CNNM4: variants seen among roughly 807,000 people sequenced by gnomAD.
CNNM4 encodes metal transporter CNNM4.
A neutral mutation model predicts 53.7 loss-of-function variants in CNNM4; 32 were observed. The ratio of observed to expected loss-of-function variants is 0.60; its 90% CI spans 0.45 to 0.80. The LOEUF is 0.80. Ranked by LOEUF, CNNM4 falls within the 30% of genes least tolerant of loss-of-function variation. The pLI, the probability that CNNM4 is intolerant of heterozygous loss-of-function variation, is 0.00. For synonymous variants in CNNM4, 410 were observed against 440.0 expected (o/e 0.93, Z 0.85); for missense variants, 784 against 1,022.0 (o/e 0.77, Z 3.17).
At chr2:96,773,633 A>T (rs1319903318) in intron 1 of CNNM4, among the ~76,000 whole-genome samples, 2 of 152,168 alleles carry the variant, frequency 1.3e-5, no homozygotes, top group Non-Finnish European at 1.5e-5. Context: ...ACCTGAGGTC[A>T]GGAGTTTGAG....
At chr2:96,780,117 G>A (rs1360572856) in intron 1 of CNNM4, among the ~76,000 whole-genome samples, 1 of 151,976 alleles carries the variant, frequency 6.6e-6, no homozygotes, top group African/African-American at 2.4e-5. Flanking sequence ...ACATTTTATA[G>A]TAGTGAATCT....
intron 6 of CNNM4, 124 bp from the exon 7 acceptor site, chr2:96,809,196 A>C: frequency 6.5e-7 from 1 of 1,542,010 alleles, no homozygotes; most frequent in Non-Finnish European, 8.7e-7. Context: ...GGGCTTCCAG[A>C]GACGCTGACT....
Position 96,801,010 on chromosome 2 carries a change from G to A in CNNM4, c.1948+1362G>A. 2 of 794,140 alleles carry A rather than the reference G, an allele frequency of 2.5e-6. No homozygotes were observed. The highest frequency in any genetic ancestry group is 3.1e-6 in the Non-Finnish European group (2 of 655,446). The allele number at this position is 794,140 out of a possible 1,614,324, so 49.2% of individuals were successfully genotyped here. Reference sequence around the variant, plus strand: ...CCCGTCAGGTCTGCCTCTGTCCTGTGCCTGTGGTTCCGTGTCCTGTCTCCT... The same window carrying A: ...CCCGTCAGGTCTGCCTCTGTCCTGTACCTGTGGTTCCGTGTCCTGTCTCCT... On this transcript the variant is annotated intron_variant, in intron 5 of 6. Transcript: ENST00000377075. This position sits in a 1 kb window ranked among gnomAD's most constrained non-coding sequence, Gnocchi z 5.6.
In CNNM4 at chr2:96,810,717, C is replaced by T. The variant is rs2079249776; in HGVS notation, c.*1200C>T. On this transcript the variant is annotated 3_prime_UTR_variant, in exon 7 of 7. Coordinates refer to ENST00000377075, the MANE Select transcript of CNNM4 (RefSeq NM_020184.4). The surrounding 1 kb of genome is among the most constrained non-coding windows in gnomAD (Gnocchi z 4.1). ...CAAGGCTCACCTGGCCTTATCCACC[C>T]ACTTATGGAACCTCAGGAGAGGAGG... 1 of 152,230 alleles carries T rather than the reference C, an allele frequency of 6.6e-6. No individual in the cohort carries two copies. Among genetic ancestry groups the T allele is most frequent in the South Asian group, 2.1e-4 (1 of 4,834 alleles). The allele number at this position is 152,230 out of a possible 1,614,324, so 9.4% of individuals were successfully genotyped here.
intron 6 of CNNM4, 100 bp from the exon 7 acceptor site, chr2:96,809,220 C>T: frequency 6.4e-7 from 1 of 1,564,814 alleles, no homozygotes; most frequent in Non-Finnish European, 8.6e-7. Context: ...CATGTTCTCT[C>T]TCAACTCACA....
chr2:96,783,372 C>T (rs145899553), intron 1 of CNNM4, among the ~76,000 whole-genome samples: 24 of 152,256 alleles, frequency 1.6e-4, no homozygotes, highest in East Asian at 1.3e-3. Context: ...CTCAGAAGGA[C>T]GCTGATGGTG....
Position 96,809,600 on chromosome 2 carries a change from A to G in CNNM4, c.*83A>G. The G allele has an allele frequency of 8.0e-7, 1 of 1,249,076 alleles. No individual in the cohort carries two copies. Among genetic ancestry groups the G allele is most frequent in the Non-Finnish European group, 1.2e-6 (1 of 861,502 alleles). The allele number at this position is 1,249,076 out of a possible 1,614,324, so 77.4% of individuals were successfully genotyped here. On this transcript the variant is annotated 3_prime_UTR_variant, in exon 7 of 7. Transcript: ENST00000377075. Reference sequence around the variant, plus strand: ...GAAGAGAGGGAACCTGTTAGTCCAGAAAGGATACGGATAGATAGCCTGTCT... The same window carrying G: ...GAAGAGAGGGAACCTGTTAGTCCAGGAAGGATACGGATAGATAGCCTGTCT...
At chr2:96,787,119 C>T (rs903910358) in intron 1 of CNNM4, among the ~76,000 whole-genome samples, 2 of 152,296 alleles carry the variant, frequency 1.3e-5, no homozygotes, top group South Asian at 2.1e-4. Flanking sequence ...GGCAGGCCCT[C>T]CTGGGCACAC....
intron 1 of CNNM4, among the ~76,000 whole-genome samples, chr2:96,790,120 C>A (rs957918779): frequency 1.3e-5 from 2 of 149,462 alleles, no homozygotes; most frequent in African/African-American, 4.9e-5. Flanking sequence ...CATTCTCCTG[C>A]CTCAGCCTCC....
At chr2:96,772,608 C>T (rs1229520759) in intron 1 of CNNM4, among the ~76,000 whole-genome samples, 2 of 138,736 alleles carry the variant, frequency 1.4e-5, no homozygotes, top group Admixed American at 1.5e-4. Flanking sequence ...CTCACACATG[C>T]GCACACACAC....
At chr2:96,796,860 C>A in intron 1 of CNNM4, 152 bp from the exon 2 acceptor site, 2 of 750,378 alleles carry the variant, frequency 2.7e-6, no homozygotes, top group Admixed American at 2.4e-5. Flanking sequence ...TGTCTGTTTG[C>A]AGTAGAAACG....
chr2:96,786,134 A>T (rs915372943), intron 1 of CNNM4, among the ~76,000 whole-genome samples: 1 of 152,034 alleles, frequency 6.6e-6, no homozygotes, highest in Non-Finnish European at 1.5e-5. Flanking sequence ...AAGTAAAGAT[A>T]GGCCTGGCGC....
chr2:96,792,729 G>C (rs977574712), intron 1 of CNNM4, among the ~76,000 whole-genome samples: 5 of 151,992 alleles, frequency 3.3e-5, no homozygotes, highest in Non-Finnish European at 7.4e-5. Flanking sequence ...CCTTGAACCT[G>C]CTAGGTGGAG....
chr2:96,760,946 C>T lies in CNNM4; in HGVS notation c.-54C>T, dbSNP rs1245071112. The T allele has an allele frequency of 3.3e-5, 31 of 939,376 alleles. No individual in the cohort carries two copies. The Admixed American group carries it at 4.4e-4, about 13-fold the overall frequency. The allele number at this position is 939,376 out of a possible 1,614,324, so 58.2% of individuals were successfully genotyped here. On this transcript the variant is annotated 5_prime_UTR_variant, in exon 1 of 7. Transcript: ENST00000377075. The stretch of plus-strand genomic sequence containing the variant: ...GAGCGGCCGGAGCTGCGGTGCGGAC[C>T]GGGGCCGCGCGGCGTGGCGCGGGGA...
At chr2:96,785,665 G>A (rs990723638) in intron 1 of CNNM4, among the ~76,000 whole-genome samples, 24 of 151,734 alleles carry the variant, frequency 1.6e-4, no homozygotes, top group African/African-American at 4.6e-4. Flanking sequence ...TTAGCTGGGC[G>A]TGGTAGCATG....
intron 1 of CNNM4, among the ~76,000 whole-genome samples, chr2:96,782,087 C>T (rs1239330827): frequency 1.3e-5 from 2 of 152,258 alleles, no homozygotes; most frequent in East Asian, 3.9e-4. Context: ...GTAGAACTAA[C>T]TTAGTGTCAT....
chr2:96,796,680 G>T (rs548023290), intron 1 of CNNM4, among the ~76,000 whole-genome samples: 1 of 152,266 alleles, frequency 6.6e-6, no homozygotes, highest in African/African-American at 2.4e-5. Context: ...AGGATCTCTT[G>T]AGCCCAGAAG....
At chr2:96,805,655 G>A (rs1448102602) in intron 5 of CNNM4, among the ~76,000 whole-genome samples, 4 of 117,206 alleles carry the variant, frequency 3.4e-5, no homozygotes, top group African/African-American at 6.8e-5. Context: ...GACTCTTAAC[G>A]AGCATGCTGC....
At chr2:96,803,761 A>AT (rs2079178527) in intron 5 of CNNM4, among the ~76,000 whole-genome samples, 1 of 151,808 alleles carries the variant, frequency 6.6e-6, no homozygotes, top group African/African-American at 2.4e-5. Flanking sequence ...TGTTTTATTT[A>AT]TTTTTTGCTT....
Sources: allele counts gnomAD v4.1 joint callset (sites outside exome capture counted in the v4.1 genomes callset), GRCh38; gene constraint gnomAD v4.1.1; non-coding constraint Gnocchi (gnomAD v3.1); transcripts MANE v1.5; gene names NCBI Gene and HGNC (gene_info 2026-07-23, HGNC 2026-07-21).